MYO6: variants seen among roughly 807,000 people sequenced by gnomAD.
MYO6 encodes myosin VI.
In MYO6, 74 loss-of-function variants were observed where a neutral mutation model predicts 178.7. That is an observed-to-expected ratio of 0.41 (90% CI 0.34 to 0.50). The LOEUF (loss-of-function observed/expected upper bound fraction) is 0.50. Among genes scored for constraint, MYO6 ranks in the 20% least tolerant of loss-of-function variants. MYO6 has a pLI of 0.09. For synonymous variants in MYO6, 477 were observed against 504.6 expected (o/e 0.95, Z 0.73); for missense variants, 1,330 against 1,547.4 (o/e 0.86, Z 2.36).
intron 25 of MYO6, among the ~76,000 whole-genome samples, chr6:75,888,209 G>A (rs1332437982): frequency 6.6e-6 from 1 of 152,032 alleles, no homozygotes; most frequent in African/African-American, 2.4e-5. Flanking sequence ...TTGAACCCAG[G>A]AGGCAGAGGT....
At chr6:75,863,521 T>C (rs546388939) in intron 16 of MYO6, among the ~76,000 whole-genome samples, 4 of 151,988 alleles carry the variant, frequency 2.6e-5, no homozygotes, top group South Asian at 2.1e-4. Context: ...GTTTCGCTAT[T>C]GTCACCCAGG....
At chr6:75,752,600 C>T (rs1038565956) in intron 1 of MYO6, among the ~76,000 whole-genome samples, 3 of 152,006 alleles carry the variant, frequency 2.0e-5, no homozygotes, top group African/African-American at 4.8e-5. Context: ...CTGTTTAAAC[C>T]GGCAAAACTG....
intron 17 of MYO6, 58 bp downstream of exon 17, chr6:75,866,679 A>G (rs1776731804): frequency 4.3e-6 from 6 of 1,390,120 alleles, no homozygotes; most frequent in Middle Eastern, 3.5e-4. Context: ...ACTGTACAGT[A>G]TGATAGCTTC....
At chr6:75,842,384 A>G (rs1774327377) in intron 9 of MYO6, among the ~76,000 whole-genome samples, 1 of 152,216 alleles carries the variant, frequency 6.6e-6, no homozygotes, top group Admixed American at 6.5e-5. Context: ...TGTCGTCTGT[A>G]TAGAGTTCCC....
intron 10 of MYO6, among the ~76,000 whole-genome samples, chr6:75,845,851 G>A (rs769121266): frequency 5.3e-5 from 8 of 151,900 alleles, no homozygotes; most frequent in Non-Finnish European, 1.0e-4. Flanking sequence ...GCCAGGTGTC[G>A]TGGTGTGTGC....
chr6:75,769,970 G>T (rs965158986), intron 1 of MYO6, among the ~76,000 whole-genome samples: 12 of 152,164 alleles, frequency 7.9e-5, no homozygotes, highest in African/African-American at 2.9e-4. Flanking sequence ...ACTGCTAGTG[G>T]TTCTGTCATT....
chr6:75,781,550 ACT>A (rs1262586234), intron 1 of MYO6, among the ~76,000 whole-genome samples: 1 of 152,102 alleles, frequency 6.6e-6, no homozygotes, highest in Non-Finnish European at 1.5e-5. Flanking sequence ...GCTGGGGATA[ACT>A]CAGCTTTCCA....
Position 75,880,032 on chromosome 6 carries a change from T to C in MYO6, c.2209-11T>C. The C allele has an allele frequency of 2.5e-6, 4 of 1,613,504 alleles. No individual in the cohort carries two copies. Among genetic ancestry groups the C allele is most frequent in the Non-Finnish European group, 8.5e-7 (1 of 1,179,744 alleles). ...TAATTGACATTTAACTTTTTAACTT[T>C]TATTTTTCAGGCTTTGTTTAAAGCT... On this transcript the variant is annotated splice_polypyrimidine_tract_variant and intron_variant, in intron 21 of 34. Coordinates refer to ENST00000369977, the MANE Select transcript of MYO6 (RefSeq NM_004999.4).
intron 1 of MYO6, among the ~76,000 whole-genome samples, chr6:75,766,120 C>T (rs954492364): frequency 1.3e-5 from 2 of 152,014 alleles, no homozygotes; most frequent in African/African-American, 4.8e-5. Context: ...GCCAGGAGTT[C>T]GAGACTATCC....
chr6:75,857,536 A>G (rs1775832373), intron 13 of MYO6, among the ~76,000 whole-genome samples: 1 of 152,182 alleles, frequency 6.6e-6, no homozygotes, highest in South Asian at 2.1e-4. Context: ...AAGGAATACA[A>G]CTGAATAAAG....
intron 1 of MYO6, among the ~76,000 whole-genome samples, chr6:75,810,083 CA>C (rs60265510): frequency 0.036 from 2,771 of 77,016 alleles, 20 homozygotes; most frequent in Non-Finnish European, 0.061. Context: ...GACTCTGTCT[CA>C]AAAAAAAAAA....
intron 28 of MYO6, 84 bp downstream of exon 28, chr6:75,892,774 T>G: frequency 7.0e-7 from 1 of 1,426,842 alleles, no homozygotes; most frequent in Non-Finnish European, 9.6e-7. Context: ...CAGAAGGGAA[T>G]AGGAGAAAAT....
chr6:75,800,780 G>A (rs575946904), intron 1 of MYO6, among the ~76,000 whole-genome samples: 179 of 152,220 alleles, frequency 1.2e-3, no homozygotes, highest in African/African-American at 4.2e-3. Flanking sequence ...GAGTGCAGTG[G>A]CACAATCTTG....
chr6:75,866,443 T>C (rs1776699270), intron 16 of MYO6, 83 bp from the exon 17 acceptor site: 1 of 1,130,144 alleles, frequency 8.8e-7, no homozygotes, highest in African/African-American at 1.6e-5. Flanking sequence ...TTTTAAGTGT[T>C]TTACATCTCA....
intron 1 of MYO6, among the ~76,000 whole-genome samples, chr6:75,789,931 C>T (rs962363660): frequency 1.3e-5 from 2 of 152,158 alleles, no homozygotes; most frequent in Non-Finnish European, 2.9e-5. Flanking sequence ...CTATTCTACT[C>T]TCTACTTTTA....
chr6:75,877,091 C>T (rs949621218), intron 20 of MYO6, among the ~76,000 whole-genome samples: 2 of 152,052 alleles, frequency 1.3e-5, no homozygotes, highest in African/African-American at 2.4e-5. Context: ...AATTCTCCTG[C>T]CTCAGCCTCC....
Position 75,892,658 on chromosome 6 carries a change from T to C in MYO6, c.3075T>C (p.Ser1025=), listed in dbSNP as rs777582990. 3 of 1,612,606 alleles carry C rather than the reference T, an allele frequency of 1.9e-6. No individual in the cohort carries two copies. Among genetic ancestry groups the C allele is most frequent in the Non-Finnish European group, 8.5e-7 (1 of 1,179,978 alleles). The change falls in exon 28 of 35, where the codon AGT becomes AGC. Residue 1025 remains serine (S), a synonymous_variant. Transcript: ENST00000369977. ...CCCAGAGTGAAGCCGAGCTCATCAG[T>C]GATGAGGCCCAGGCCGACCTGGCGC... ...RIAQSEAELI[S]DEAQADLALR...
At chr6:75,834,109 C>T (rs1034527829) in intron 6 of MYO6, among the ~76,000 whole-genome samples, 1 of 152,140 alleles carries the variant, frequency 6.6e-6, no homozygotes, top group African/African-American at 2.4e-5. Flanking sequence ...CTTAAGCTTA[C>T]GATAATTTGC....
At chr6:75,760,921 C>T (rs1391151747) in intron 1 of MYO6, among the ~76,000 whole-genome samples, 2 of 151,994 alleles carry the variant, frequency 1.3e-5, no homozygotes, top group Admixed American at 6.6e-5. Context: ...TTGAGTTATT[C>T]CAGAGAGAAC....
Sources: gnomAD v4.1 joint callset for allele counts (sites outside exome capture counted in the v4.1 genomes callset) on GRCh38, gnomAD v4.1.1 for gene constraint, MANE v1.5 for transcripts, NCBI Gene and HGNC (gene_info 2026-07-23, HGNC 2026-07-21) for gene names.